Variants in CLEC16A observed in about 807,000 individuals in gnomAD.
CLEC16A encodes the protein C-type lectin domain containing 16A, also known as protein CLEC16A.
In CLEC16A, 51 loss-of-function variants were observed where a neutral mutation model predicts 109.5. That is an observed-to-expected ratio of 0.47 (90% confidence interval 0.37 to 0.59). The LOEUF (loss-of-function observed/expected upper bound fraction) is 0.59. Ranked by LOEUF, CLEC16A falls within the 20% of genes least tolerant of loss-of-function variation. The pLI is 0.00. For synonymous variants in CLEC16A, 673 were observed against 564.2 expected (o/e 1.19, Z -2.73); for missense variants, 1,339 against 1,394.0 (o/e 0.96, Z 0.63).
intron 19 of CLEC16A, among the ~76,000 whole-genome samples, chr16:11,062,466 T>C (rs143047999): frequency 5.9e-5 from 9 of 152,284 alleles, no homozygotes; most frequent in African/African-American, 2.2e-4. Context: ...AACGAGATGG[T>C]CTTTCTTAAA....
intron 19 of CLEC16A, 51 bp from the exon 20 acceptor site, chr16:11,120,564 C>T: frequency 6.4e-7 from 1 of 1,552,836 alleles, no homozygotes; most frequent in Non-Finnish European, 8.7e-7. Context: ...GTCTCCATCA[C>T]CCTGGGCAGC....
chr16:11,157,103 G>C (rs1015711522), intron 22 of CLEC16A: 1 of 1,303,962 alleles, frequency 7.7e-7, no homozygotes, highest in Non-Finnish European at 1.0e-6. Flanking sequence ...TTTAAAATCT[G>C]AGAGGATTTA....
chr16:11,128,068 G>A (rs923120523), intron 22 of CLEC16A, among the ~76,000 whole-genome samples: 6 of 152,164 alleles, frequency 3.9e-5, no homozygotes, highest in African/African-American at 7.2e-5. Context: ...AGTTAACTAA[G>A]TACAAATTGA....
chr16:11,051,661 G>A lies in CLEC16A; in HGVS notation c.1995+20G>A, dbSNP rs1323233981. 6.2e-7 allele frequency: 1 copy of A among 1,610,728 alleles called. No individual in the cohort carries two copies. The highest frequency in any genetic ancestry group is 2.2e-5 in the East Asian group (1 of 44,764). ...CGGCGGGTGAGTGAGCACAGGACCT[G>A]TCATCTCCTGGGCCACTGTTCTCCA... On this transcript the variant is annotated intron_variant, in intron 18 of 23. Transcript: ENST00000409790.
chr16:11,134,777 C>T (rs1056320812), intron 22 of CLEC16A, among the ~76,000 whole-genome samples: 5 of 152,234 alleles, frequency 3.3e-5, no homozygotes, highest in East Asian at 1.9e-4. Context: ...TGAGCTACTT[C>T]GCATGGCAGC....
chr16:11,085,159 C>T (rs1336256910), intron 19 of CLEC16A, among the ~76,000 whole-genome samples: 1 of 152,254 alleles, frequency 6.6e-6, no homozygotes, highest in Admixed American at 6.5e-5. Flanking sequence ...GCACCAAGCA[C>T]TGGACTCATT....
intron 22 of CLEC16A, among the ~76,000 whole-genome samples, chr16:11,154,621 A>G (rs1287158789): frequency 6.6e-6 from 1 of 152,222 alleles, no homozygotes; most frequent in Non-Finnish European, 1.5e-5. Flanking sequence ...GTCTAAAGAC[A>G]CTTACGAAAA....
intron 19 of CLEC16A, among the ~76,000 whole-genome samples, chr16:11,082,093 T>C (rs1480722311): frequency 6.6e-6 from 1 of 152,180 alleles, no homozygotes; most frequent in Non-Finnish European, 1.5e-5. Context: ...CTCAAGTATA[T>C]GTATGAGAAT....
Position 10,979,333 on chromosome 16 carries a change from G to A in CLEC16A, c.908G>A (p.Gly303Glu), listed in dbSNP as rs1036186905. 1.4e-5 allele frequency: 22 copies of A among 1,612,152 alleles called. No homozygotes were observed. Among genetic ancestry groups the A allele is most frequent in the East Asian group, 8.9e-5 (4 of 44,830 alleles). ...VYSLENQDKG[G>E]ERPKISLPVS... is the part of the protein sequence containing the mutation. The stretch of plus-strand genomic sequence containing the variant: ...TCTCCTGCCACCCTGCACTAGGGAG[G>A]AGAACGGCCGAAAATTAGCCTGCCG... Residue 303 changes from glycine (G) to glutamate (E), a missense_variant, in exon 9 of 24, where the codon GGA becomes GAA. By Grantham distance (98) the Gly-to-Glu change is moderately conservative. Around this residue, in one of 3 missense-constraint regions of CLEC16A, gnomAD observed 161 missense variants for 267.1 expected, o/e 0.60. Transcript: ENST00000409790.
chr16:10,965,877 G>T (rs895068587), intron 3 of CLEC16A, among the ~76,000 whole-genome samples: 4 of 152,198 alleles, frequency 2.6e-5, no homozygotes, highest in African/African-American at 9.7e-5. Context: ...AGTGGAGGGA[G>T]CCTGTCGCTG....
chr16:10,966,279 G>A (rs1207111491), intron 3 of CLEC16A, among the ~76,000 whole-genome samples: 2 of 152,190 alleles, frequency 1.3e-5, no homozygotes, highest in African/African-American at 4.8e-5. Context: ...CCTCAGATGT[G>A]GTAATAAGCG....
Position 11,120,633 on chromosome 16 carries a change from C to T in CLEC16A, c.2135C>T (p.Ala712Val), listed in dbSNP as rs1194773594. 1 of 1,612,470 alleles carries T rather than the reference C, an allele frequency of 6.2e-7. No individual in the cohort carries two copies. The highest frequency in any genetic ancestry group is 8.5e-7 in the Non-Finnish European group (1 of 1,179,190). The change falls in exon 20 of 24, where the codon GCA becomes GTA. Residue 712 changes from alanine to valine, a missense_variant. By Grantham distance (64) the Ala-to-Val change is moderately conservative. This residue lies in a region of CLEC16A where 1,061 missense variants were observed against 1,006.8 expected (regional missense o/e 1.05). Coordinates refer to ENST00000409790, the MANE Select transcript of CLEC16A (RefSeq NM_015226.3). ...CTCCCAGATAACAGCGACTTGATTG[C>T]ATGTACAGTGATCACCAAGGATGGC... ...VLDLNNSDLI[A>V]CTVITKDGGM...
At chr16:11,080,402 C>G (rs759455663) in intron 19 of CLEC16A, among the ~76,000 whole-genome samples, 3 of 152,230 alleles carry the variant, frequency 2.0e-5, no homozygotes, top group Non-Finnish European at 4.4e-5. Flanking sequence ...AAGGGTTGTT[C>G]TGAGCCAGTG....
chr16:10,997,980 T>C (rs1391320724), intron 10 of CLEC16A, among the ~76,000 whole-genome samples: 1 of 152,232 alleles, frequency 6.6e-6, no homozygotes, highest in Non-Finnish European at 1.5e-5. Flanking sequence ...GACATCTGTC[T>C]TCTCAGCCAT....
intron 1 of CLEC16A, 108 bp downstream of exon 1, chr16:10,944,905 C>T: frequency 1.9e-6 from 2 of 1,072,552 alleles, no homozygotes; most frequent in Non-Finnish European, 1.4e-6. Flanking sequence ...GAAGGGCGCC[C>T]GGGGAAGCCC....
At chr16:10,991,465 G>A (rs1244759567) in intron 10 of CLEC16A, among the ~76,000 whole-genome samples, 1 of 151,298 alleles carries the variant, frequency 6.6e-6, no homozygotes, top group East Asian at 1.9e-4. Flanking sequence ...CAGTGCAAAG[G>A]CCCTGCGGTG....
chr16:11,033,059 T>C (rs1472202629), intron 13 of CLEC16A, among the ~76,000 whole-genome samples: 1 of 151,604 alleles, frequency 6.6e-6, no homozygotes, highest in Non-Finnish European at 1.5e-5. Flanking sequence ...CCAGGCGAGA[T>C]AATGTGGATT....
chr16:10,972,878 A>C, intron 6 of CLEC16A, 60 bp from the exon 7 acceptor site: 3 of 1,460,646 alleles, frequency 2.1e-6, no homozygotes, highest in Non-Finnish European at 2.7e-6. Flanking sequence ...TTTTTTTTTT[A>C]ATCTTCCCCA....
chr16:11,066,073 A>G (rs1308339929), intron 19 of CLEC16A, among the ~76,000 whole-genome samples: 1 of 152,106 alleles, frequency 6.6e-6, no homozygotes, highest in African/African-American at 2.4e-5. Flanking sequence ...CTGTGCCTGG[A>G]TGGAAGTCCC....
Sources: allele counts gnomAD v4.1 joint callset (sites outside exome capture counted in the v4.1 genomes callset), GRCh38; gene constraint gnomAD v4.1.1; regional missense constraint gnomAD v4.1.1; transcripts MANE v1.5; gene names NCBI Gene and HGNC (gene_info 2026-07-23, HGNC 2026-07-21).